CBL: variants seen among roughly 807,000 people sequenced by gnomAD.
CBL encodes the protein Cbl proto-oncogene.
CBL carries 45 observed loss-of-function variants against 96.9 expected under a neutral mutation model. That is an observed-to-expected ratio of 0.46 (90% CI 0.37 to 0.60). CBL has a LOEUF of 0.60. Among genes scored for constraint, CBL ranks in the 20% least tolerant of loss-of-function variants. The probability of loss-of-function intolerance (pLI) is 0.00; values close to 1 mark genes in which losing one functional copy is unlikely to be tolerated. For synonymous variants in CBL, 420 were observed against 426.8 expected, an observed-to-expected ratio of 0.98 and a Z score of 0.20; for missense variants, 1,024 against 1,143.5, an observed-to-expected ratio of 0.90 and a Z score of 1.51.
chr11:119,230,410 G>C (rs1283976484), intron 1 of CBL, among the ~76,000 whole-genome samples: 7 of 152,314 alleles, frequency 4.6e-5, no homozygotes, highest in Non-Finnish European at 1.0e-4. Flanking sequence ...AAAGTGCTGG[G>C]ATTACAAGCG....
intron 2 of CBL, among the ~76,000 whole-genome samples, chr11:119,260,177 G>A (rs1475982488): frequency 6.6e-6 from 1 of 151,096 alleles, no homozygotes; most frequent in African/African-American, 2.4e-5. Context: ...ACTGTATAAT[G>A]TAGTGAGTAG....
chr11:119,294,684 G>A (rs1215350096), intron 12 of CBL, among the ~76,000 whole-genome samples: 4 of 151,904 alleles, frequency 2.6e-5, no homozygotes, highest in Non-Finnish European at 4.4e-5. Flanking sequence ...CCAGCTGCTC[G>A]GTAGGCTGAG....
intron 1 of CBL, among the ~76,000 whole-genome samples, chr11:119,228,141 A>G (rs1949473343): frequency 6.6e-6 from 1 of 151,126 alleles, no homozygotes; most frequent in East Asian, 2.0e-4. Flanking sequence ...TTTGAGATAG[A>G]GTCTCATTCC....
rs2135300612 is a variant in CBL at position 119,274,924 on chromosome 11, G to A, written c.840G>A (p.Arg280=). 6.2e-7 allele frequency: 1 copy of A among 1,614,030 alleles called. No individual in the cohort carries two copies. The highest frequency in any genetic ancestry group is 8.5e-7 in the Non-Finnish European group (1 of 1,179,960). Reference sequence around the variant, plus strand: ...TGACGTATGACGAAGTGAAAGCTCGGCTCCAGAAATTCATTCACAAACCTG... The same window carrying A: ...TGACGTATGACGAAGTGAAAGCTCGACTCCAGAAATTCATTCACAAACCTG... ...AFLTYDEVKA[R]LQKFIHKPGS... The change falls in exon 5 of 16, where the codon CGG becomes CGA. Residue 280 remains arginine, a synonymous_variant. Transcript: ENST00000264033.
chr11:119,246,101 A>G (rs1050495313), intron 2 of CBL, among the ~76,000 whole-genome samples: 1 of 150,052 alleles, frequency 6.7e-6, no homozygotes, highest in Non-Finnish European at 1.5e-5. Flanking sequence ...CAGTCTCCCA[A>G]GTAGCTGGGA....
chr11:119,211,928 A>G (rs941495369), intron 1 of CBL, among the ~76,000 whole-genome samples: 5 of 151,022 alleles, frequency 3.3e-5, no homozygotes, highest in Non-Finnish European at 5.9e-5. Context: ...TATTTTTTTT[A>G]TTATTTTTGA....
rs947701244 is a variant in CBL, at chr11:119,213,043, G to C, written c.195+6431G>C. Reference sequence around the variant, plus strand: ...TTGCCCAGGCTGGTCTCAAACTCTTGAGCTCAAATAATTCTCCCACCTCAG... The same window carrying C: ...TTGCCCAGGCTGGTCTCAAACTCTTCAGCTCAAATAATTCTCCCACCTCAG... On this transcript the variant is annotated intron_variant, in intron 1 of 15. Transcript: ENST00000264033. Among the ~76,000 whole-genome samples, 20 of 150,802 alleles carry C rather than the reference G, an allele frequency of 1.3e-4. 1 individual carries two copies. The highest frequency in any genetic ancestry group is 6.5e-3 in the Middle Eastern group (2 of 308).
chr11:119,297,124 G>GT, intron 13 of CBL, 90 bp downstream of exon 13: 2 of 802,994 alleles, frequency 2.5e-6, no homozygotes, highest in Non-Finnish European at 2.2e-6. Flanking sequence ...TGCACATACT[G>GT]TTATCCAGTC....
chr11:119,298,654 TTATGTC>T (rs1487053255), intron 15 of CBL, 114 bp downstream of exon 15: 1 of 936,486 alleles, frequency 1.1e-6, no homozygotes, highest in African/African-American at 1.6e-5. Context: ...AGGCTAAACA[TTATGTC>T]TAAATGGGAG....
chr11:119,278,495 T>G lies in CBL; in HGVS notation c.1228-15T>G. ...TTTCAGATGCATCTGTTACTATCTTTTGCTTCTTCTGCAGGAATCAGAAGG... is the reference window on the plus strand; with the variant it reads ...TTTCAGATGCATCTGTTACTATCTTGTGCTTCTTCTGCAGGAATCAGAAGG... On this transcript the variant is annotated splice_polypyrimidine_tract_variant and intron_variant, in intron 8 of 15. Transcript: ENST00000264033. 6.2e-7 allele frequency: 1 copy of G among 1,609,906 alleles called. No individual in the cohort carries two copies. Among genetic ancestry groups the G allele is most frequent in the East Asian group, 2.2e-5 (1 of 44,874 alleles).
At chr11:119,275,419 T>TA (rs1375742714) in intron 5 of CBL, among the ~76,000 whole-genome samples, 3 of 151,566 alleles carry the variant, frequency 2.0e-5, no homozygotes, top group Admixed American at 1.3e-4. Context: ...GCCTGGGCAA[T>TA]AAGAGCGAAA....
chr11:119,278,439 G>A, intron 8 of CBL, 71 bp from the exon 9 acceptor site: 1 of 1,524,446 alleles, frequency 6.6e-7, no homozygotes, highest in Non-Finnish European at 9.1e-7. Flanking sequence ...TCTAGGAAAT[G>A]TATTTTCTAG....
chr11:119,275,425 C>T (rs1402504277), intron 5 of CBL, among the ~76,000 whole-genome samples: 4 of 151,988 alleles, frequency 2.6e-5, no homozygotes, highest in Admixed American at 6.6e-5. Flanking sequence ...GCAATAAGAG[C>T]GAAACCCCAT....
At chr11:119,244,993 C>G (rs910097016) in intron 2 of CBL, among the ~76,000 whole-genome samples, 1 of 151,852 alleles carries the variant, frequency 6.6e-6, no homozygotes, top group Non-Finnish European at 1.5e-5. Flanking sequence ...CAGGCACACA[C>G]CCCAAGTAGC....
chr11:119,233,388 C>T (rs971069409), intron 2 of CBL, among the ~76,000 whole-genome samples: 4 of 152,112 alleles, frequency 2.6e-5, no homozygotes, highest in African/African-American at 9.7e-5. Flanking sequence ...TGTGCACCAC[C>T]ATGCCTGATT....
chr11:119,214,502 A>T (rs1279090808), intron 1 of CBL, among the ~76,000 whole-genome samples: 1 of 150,520 alleles, frequency 6.6e-6, no homozygotes, highest in Non-Finnish European at 1.5e-5. Flanking sequence ...GCCCACTGCG[A>T]CCTCCCAAAG....
At chr11:119,228,587 C>CA (rs2135263045) in intron 1 of CBL, among the ~76,000 whole-genome samples, 1 of 145,534 alleles carries the variant, frequency 6.9e-6, no homozygotes, top group Admixed American at 7.0e-5. Flanking sequence ...GCCTGAGCGA[C>CA]AAGAGCAAAA....
In CBL at chr11:119,301,650, G is replaced by A. The variant is rs1950102484; in HGVS notation, c.*1869G>A. The A allele has an allele frequency of 8.6e-6, 2 of 233,142 alleles. No homozygotes were observed. The highest frequency in any genetic ancestry group is 5.6e-5 in the Admixed American group (1 of 17,766). The allele number at this position is 233,142 out of a possible 1,614,324, so 14.4% of individuals were successfully genotyped here. ...CAGAGCCATTTATATTCCCAGAGTA[G>A]GCAGTACAGGATCTCGTGTTGATTT... is the stretch of plus-strand genomic sequence containing the variant. On this transcript the variant is annotated 3_prime_UTR_variant, in exon 16 of 16. Transcript: ENST00000264033.
chr11:119,287,507 T>C (rs1949992693), intron 11 of CBL, among the ~76,000 whole-genome samples: 1 of 152,246 alleles, frequency 6.6e-6, no homozygotes, highest in African/African-American at 2.4e-5. Context: ...TAGGTTTGAC[T>C]TTCTGGCAGC....
Sources: gnomAD v4.1 joint callset for allele counts (sites outside exome capture counted in the v4.1 genomes callset) on GRCh38, gnomAD v4.1.1 for gene constraint, MANE v1.5 for transcripts, NCBI Gene and HGNC (gene_info 2026-07-23, HGNC 2026-07-21) for gene names.